CENPN: variants seen among roughly 807,000 people sequenced by gnomAD.
CENPN encodes interphase centromere complex protein 32.
In CENPN, 36 loss-of-function variants were observed where a neutral mutation model predicts 48.6. That is an observed-to-expected ratio of 0.74 (90% confidence interval 0.57 to 0.98). The LOEUF (loss-of-function observed/expected upper bound fraction) is 0.98, where lower values mean the gene tolerates loss of function less well. Among genes scored for constraint, CENPN ranks in the 50% least tolerant of loss-of-function variants. The pLI, the probability that CENPN is intolerant of heterozygous loss-of-function variation, is 0.00. For synonymous variants in CENPN, 166 were observed against 135.2 expected (o/e 1.23, Z -1.58); for missense variants, 439 against 399.2 (o/e 1.10, Z -0.85).
rs77325073 is a variant in CENPN, at chr16:81,030,430, A to G, written c.*1779A>G. 2.2e-3 allele frequency: 2,114 copies of G among 981,322 alleles called. 34 individuals are homozygous for G. The African/African-American group carries it at 0.034, about 16-fold the overall frequency. The allele number at this position is 981,322 out of a possible 1,614,324, so 60.8% of individuals were successfully genotyped here. A position where few individuals can be genotyped will look rare whatever the true frequency, so the allele number is the denominator to read the frequency against. On this transcript the variant is annotated 3_prime_UTR_variant, in exon 11 of 11. Coordinates refer to ENST00000305850, the MANE Select transcript of CENPN (RefSeq NM_001100624.3). ...GGGGGTTTCCCCCACACATTAAGCA[A>G]GTGTGAAACATGATATAGAAAAATG...
Position 81,020,257 on chromosome 16 carries a change from A to G in CENPN, c.512A>G (p.Asn171Ser). ...ACGTCCTCCTCCATGCTGAGGCGCA[A>G]TACACCGCTTCTGGGTCAGGTATGG... Reference protein sequence around the residue: ...AFTSSSMLRRNTPLLGQALTI... With the variant: ...AFTSSSMLRRSTPLLGQALTI... Residue 171 changes from asparagine to serine, a missense_variant, in exon 6 of 11, where the codon AAT (asparagine) becomes AGT (serine). Physicochemically the swap from Asn to Ser is conservative, Grantham distance 46. Transcript: ENST00000305850. 3 of 1,610,628 alleles carry G rather than the reference A, an allele frequency of 1.9e-6. No individual in the cohort carries two copies. Among genetic ancestry groups the G allele is most frequent in the Non-Finnish European group, 2.5e-6 (3 of 1,179,156 alleles).
intron 7 of CENPN, 112 bp from the exon 8 acceptor site, chr16:81,024,603 T>C: frequency 1.5e-6 from 1 of 669,526 alleles, no homozygotes; most frequent in South Asian, 2.0e-5. Flanking sequence ...GCTTTGGATC[T>C]TTCTGTTGGA....
chr16:81,020,327 G>C (rs771162621), intron 6 of CENPN, 51 bp downstream of exon 6: 32 of 1,526,528 alleles, frequency 2.1e-5, no homozygotes, highest in Non-Finnish European at 2.6e-5. Flanking sequence ...CTATCTCAAA[G>C]GTCTATATAG....
At chr16:81,027,515 C>CA (rs956657604) in intron 9 of CENPN, among the ~76,000 whole-genome samples, 3 of 151,644 alleles carry the variant, frequency 2.0e-5, no homozygotes, top group Middle Eastern at 3.4e-3. Context: ...CAGTGTGACT[C>CA]AAAAAAAATG....
In CENPN at chr16:81,026,772, G is replaced by GAATTA. The variant is rs1970517028; in HGVS notation, c.810+138_810+142dup. ...CTTAAATTTCATGTAATAAATTTAT[G>GAATTA]AATTAAATAGACCTCTTTATTGTAT... On this transcript the variant is annotated intron_variant, in intron 9 of 10. Coordinates refer to ENST00000305850, the MANE Select transcript of CENPN (RefSeq NM_001100624.3). 7 of 460,824 alleles carry GAATTA rather than the reference G, an allele frequency of 1.5e-5. No homozygotes were observed. In the East Asian group the frequency reaches 2.5e-4, roughly 17 times the overall value. The allele number at this position is 460,824 out of a possible 1,614,324, so 28.5% of individuals were successfully genotyped here.
At chr16:81,027,303 C>T (rs986301596) in intron 9 of CENPN, among the ~76,000 whole-genome samples, 6 of 152,132 alleles carry the variant, frequency 3.9e-5, no homozygotes, top group South Asian at 2.1e-4. Context: ...CCAGCCTGGG[C>T]GACACAGCAA....
intron 3 of CENPN, among the ~76,000 whole-genome samples, chr16:81,015,432 A>G (rs948234204): frequency 1.3e-5 from 2 of 152,282 alleles, no homozygotes; most frequent in Non-Finnish European, 2.9e-5. Context: ...ATAATATCAC[A>G]TAAGGTTATG....
chr16:81,017,771 C>A lies in CENPN; in HGVS notation c.291C>A (p.Asp97Glu), dbSNP rs546146449. The change falls in exon 5 of 11, where the codon GAC (aspartate) becomes GAA (glutamate). Residue 97 changes from aspartate to glutamate, a missense_variant. Coordinates refer to ENST00000305850, the MANE Select transcript of CENPN (RefSeq NM_001100624.3). ...QMSKGPGEDVDLFDMKQFKNS... is the reference protein window; with the variant it reads ...QMSKGPGEDVELFDMKQFKNS... ...TCACTTTGGCAGGTGAAGATGTTGA[C>A]CTTTTTGATATGAAACAATTTAAAA... 6.3e-7 allele frequency: 1 copy of A among 1,586,524 alleles called. No homozygotes were observed. The highest frequency in any genetic ancestry group is 2.3e-5 in the East Asian group (1 of 44,384).
intron 6 of CENPN, chr16:81,022,371 G>T: frequency 2.2e-6 from 1 of 460,802 alleles, no homozygotes; most frequent in Non-Finnish European, 3.9e-6. Flanking sequence ...AAACAGGATC[G>T]CTTTTCTAAG....
In CENPN at chr16:81,024,785, G is replaced by A; in HGVS notation, c.697+7G>A. 1 of 1,585,454 alleles carries A rather than the reference G, an allele frequency of 6.3e-7. No individual in the cohort carries two copies. The highest frequency in any genetic ancestry group is 8.6e-7 in the Non-Finnish European group (1 of 1,159,526). ...CTTGGACTAGATATAAATAGTACGT[G>A]TGTGTTAATATGAAACTGAATTTTG... On this transcript the variant is annotated splice_region_variant and intron_variant, in intron 8 of 10. Coordinates refer to ENST00000305850, the MANE Select transcript of CENPN (RefSeq NM_001100624.3).
Position 81,009,641 on chromosome 16 carries a change from T to G in CENPN, c.-10-2289T>G, listed in dbSNP as rs1445564382. On this transcript the variant is annotated intron_variant, in intron 1 of 10. Coordinates refer to ENST00000305850, the MANE Select transcript of CENPN (RefSeq NM_001100624.3). ...CCTCTTTATCTTTGTCTTACTATCA[T>G]TTTCAGTATATTGTTAAAATACAGT... Among the ~76,000 whole-genome samples the G allele has an allele frequency of 2.0e-5, 3 of 152,372 alleles. No individual in the cohort carries two copies. In the East Asian group the frequency reaches 5.8e-4, roughly 29 times the overall value.
rs570601078 is a variant in CENPN at position 81,029,343 on chromosome 16, A to G, written c.*692A>G. The G allele has an allele frequency of 8.5e-6, 8 of 936,890 alleles. No homozygotes were observed. The highest frequency in any genetic ancestry group is 1.8e-5 in the African/African-American group (1 of 56,410). The allele number at this position is 936,890 out of a possible 1,614,324, so 58.0% of individuals were successfully genotyped here. A position where few individuals can be genotyped will look rare whatever the true frequency, so the allele number is the denominator to read the frequency against. On this transcript the variant is annotated 3_prime_UTR_variant, in exon 11 of 11. Transcript: ENST00000305850. ...CAGTTAATTTTGATCAAAGTACTTC[A>G]GTGATCATCACTAAATACCCTATCT...
At chr16:81,026,163 ATATG>A (rs1283879147) in intron 8 of CENPN, among the ~76,000 whole-genome samples, 2 of 147,088 alleles carry the variant, frequency 1.4e-5, no homozygotes, top group Admixed American at 6.9e-5. Context: ...ATGTGTATAT[ATATG>A]TGTATATATA....
In CENPN at chr16:81,028,549, T is replaced by C. The variant is rs781085048; in HGVS notation, c.938-20T>C. ...TGACTTTTAATTTTCTTTTTCCCTT[T>C]TTTTTTTTTTTAATTTCAGGTATTG... is the stretch of plus-strand genomic sequence containing the variant. On this transcript the variant is annotated intron_variant, in intron 10 of 10. Transcript: ENST00000305850. 8.6e-6 allele frequency: 12 copies of C among 1,397,650 alleles called. No homozygotes were observed. The highest frequency in any genetic ancestry group is 2.6e-5 in the African/African-American group (1 of 38,284). The allele number at this position is 1,397,650 out of a possible 1,614,324, so 86.6% of individuals were successfully genotyped here.
chr16:81,020,131 A>G lies in CENPN; in HGVS notation c.386A>G (p.Asn129Ser). ...GTCAGCTTCAGAGAAACTGAGGAGA[A>G]TGCAGTCTGGATTCGAATTGCCTGG... ...VTVSFRETEENAVWIRIAWGT... is the reference protein window; with the variant it reads ...VTVSFRETEESAVWIRIAWGT... Residue 129 changes from asparagine (N) to serine (S), a missense_variant, in exon 6 of 11, where the codon AAT becomes AGT. Coordinates refer to ENST00000305850, the MANE Select transcript of CENPN (RefSeq NM_001100624.3). 6.2e-7 allele frequency: 1 copy of G among 1,612,994 alleles called. No individual in the cohort carries two copies. Among genetic ancestry groups the G allele is most frequent in the Non-Finnish European group, 8.5e-7 (1 of 1,179,752 alleles).
At chr16:81,012,933 A>T (rs1255670074) in intron 2 of CENPN, among the ~76,000 whole-genome samples, 1 of 152,204 alleles carries the variant, frequency 6.6e-6, no homozygotes, top group Non-Finnish European at 1.5e-5. Flanking sequence ...TGACCTAGCA[A>T]TTCTACTTAC....
At chr16:81,010,658 C>G (rs1304665882) in intron 1 of CENPN, among the ~76,000 whole-genome samples, 1 of 144,892 alleles carries the variant, frequency 6.9e-6, no homozygotes, top group Non-Finnish European at 1.5e-5. Flanking sequence ...TCATCTTTAT[C>G]TTAATATTAA....
At position 81,030,050 on chromosome 16, in the gene CENPN, A is replaced by G. The variant is rs1970701362; in HGVS notation, c.*1399A>G. On this transcript the variant is annotated 3_prime_UTR_variant, in exon 11 of 11. Transcript: ENST00000305850. ...CTTGTGCAGGGAAACTCCCATTTATAAAACCACCAGAGCTCATGAAACTTA... is the reference window on the plus strand; with the variant it reads ...CTTGTGCAGGGAAACTCCCATTTATGAAACCACCAGAGCTCATGAAACTTA... 1 of 260,586 alleles carries G rather than the reference A, an allele frequency of 3.8e-6. No homozygotes were observed. The highest frequency in any genetic ancestry group is 6.0e-6 in the Non-Finnish European group (1 of 167,478). The allele number at this position is 260,586 out of a possible 1,614,324, so 16.1% of individuals were successfully genotyped here.
downstream of CENPN, chr16:81,032,477 C>A: frequency 7.6e-7 from 1 of 1,310,484 alleles, no homozygotes; most frequent in East Asian, 2.5e-5. Context: ...TGATGCCTCC[C>A]CTCCCCACCA....
Sources: allele counts gnomAD v4.1 joint callset (sites outside exome capture counted in the v4.1 genomes callset), GRCh38; gene constraint gnomAD v4.1.1; transcripts MANE v1.5; gene names NCBI Gene and HGNC (gene_info 2026-07-23, HGNC 2026-07-21).